MTMR14: variants seen among roughly 807,000 people sequenced by gnomAD.
MTMR14 encodes phosphatidylinositol-3,5-bisphosphate 3-phosphatase MTMR14.
A neutral mutation model predicts 86.3 loss-of-function variants in MTMR14; 48 were observed. That is an observed-to-expected ratio of 0.56 (90% CI 0.44 to 0.71). MTMR14 has a LOEUF of 0.71. Ranked by LOEUF, MTMR14 falls within the 30% of genes least tolerant of loss-of-function variation. The pLI, the probability that MTMR14 is intolerant of heterozygous loss-of-function variation, is 0.00. For missense variants in MTMR14, 780 were observed against 834.6 expected (o/e 0.93, Z 0.81); for synonymous variants, 366 against 326.1 (o/e 1.12, Z -1.32).
intron 17 of MTMR14, among the ~76,000 whole-genome samples, chr3:9,695,123 G>C (rs2076246788): frequency 6.6e-6 from 1 of 152,170 alleles, no homozygotes; most frequent in Non-Finnish European, 1.5e-5. Context: ...TGTTGAAGCT[G>C]GTTAAGTTAC....
At chr3:9,662,820 C>T (rs1277920587) in intron 3 of MTMR14, among the ~76,000 whole-genome samples, 2 of 152,182 alleles carry the variant, frequency 1.3e-5, no homozygotes, top group African/African-American at 4.8e-5. Context: ...CCTTAAAATA[C>T]ATCACCATGT....
chr3:9,656,210 A>G (rs530346614), intron 2 of MTMR14, among the ~76,000 whole-genome samples: 1 of 152,186 alleles, frequency 6.6e-6, no homozygotes, highest in South Asian at 2.1e-4. Flanking sequence ...ATAAAAAAAA[A>G]AGAGTGCCCA....
intron 13 of MTMR14, among the ~76,000 whole-genome samples, chr3:9,686,103 C>T (rs1307590805): frequency 6.6e-6 from 1 of 152,162 alleles, no homozygotes; most frequent in Non-Finnish European, 1.5e-5. Context: ...CATCTTATCT[C>T]GCACCTCCTC....
Position 9,672,757 on chromosome 3 carries a change from A to G in MTMR14, c.750A>G (p.Pro250=). 6.2e-7 allele frequency: 1 copy of G among 1,614,084 alleles called. No individual in the cohort carries two copies. Among genetic ancestry groups the G allele is most frequent in the Non-Finnish European group, 8.5e-7 (1 of 1,179,974 alleles). The change falls in exon 7 of 19, where the codon CCA becomes CCG. Residue 250 remains proline (P), a splice_region_variant and synonymous_variant. Coordinates refer to ENST00000296003, the MANE Select transcript of MTMR14 (RefSeq NM_001077525.3). ...ADFTLLSIPY[P]GCEFFKEYKD... is the part of the protein sequence containing the mutation. The stretch of plus-strand genomic sequence containing the variant: ...TCACTCTCCTCTCCATCCCGTATCC[A>G]GGTAGGGGGCTCTCTTCTAGTGGCA...
chr3:9,682,058 A>C (rs1425327300), intron 9 of MTMR14, among the ~76,000 whole-genome samples: 1 of 152,196 alleles, frequency 6.6e-6, no homozygotes, highest in Non-Finnish European at 1.5e-5. Flanking sequence ...GGCTTGGTAC[A>C]GTGCAGCTCT....
In MTMR14 at chr3:9,687,795, G is replaced by A. The variant is rs935684625; in HGVS notation, c.1165-26G>A. ...TTCTGCTGCCTTGGTTCTTCTCATT[G>A]TGCGCTGCTCTTTGGTCTCCTTTAG... On this transcript the variant is annotated intron_variant, in intron 13 of 18. Transcript: ENST00000296003. 12 of 1,556,380 alleles carry A rather than the reference G, an allele frequency of 7.7e-6. No homozygotes were observed. In the East Asian group the frequency reaches 2.1e-4, roughly 28 times the overall value.
intron 2 of MTMR14, among the ~76,000 whole-genome samples, chr3:9,659,256 TG>T: frequency 6.6e-6 from 1 of 152,232 alleles, no homozygotes; most frequent in East Asian, 1.9e-4. Context: ...TCTCACTACC[TG>T]GTAACATCTT....
chr3:9,671,035 C>A lies in MTMR14; in HGVS notation c.555-13C>A. 1 of 1,614,102 alleles carries A rather than the reference C, an allele frequency of 6.2e-7. No individual in the cohort carries two copies. Among genetic ancestry groups the A allele is most frequent in the Non-Finnish European group, 8.5e-7 (1 of 1,179,976 alleles). ...CATGCCATGTAACTTCTCCCTCTGG[C>A]TCTTTATTTCAGAAGTGGTGACACG... On this transcript the variant is annotated splice_polypyrimidine_tract_variant and intron_variant, in intron 5 of 18. Coordinates refer to ENST00000296003, the MANE Select transcript of MTMR14 (RefSeq NM_001077525.3).
rs140363951 is a variant in MTMR14 at position 9,679,365 on chromosome 3, C to T, written c.897+1307C>T. Among the ~76,000 whole-genome samples the T allele has an allele frequency of 4.2e-3, 639 of 152,314 alleles. 4 individuals carry two copies. The highest frequency in any genetic ancestry group is 6.8e-3 in the Middle Eastern group (2 of 294). On this transcript the variant is annotated intron_variant, in intron 9 of 18. Coordinates refer to ENST00000296003, the MANE Select transcript of MTMR14 (RefSeq NM_001077525.3). ...AGACAGACTGAGTAGATAAAAGAAC[C>T]GGCAGGCTTCCTTCTTTATGTGCTG...
intron 18 of MTMR14, chr3:9,700,142 C>G (rs2076408037): frequency 6.6e-6 from 1 of 152,222 alleles, no homozygotes; most frequent in South Asian, 2.1e-4. Flanking sequence ...TGTCATTTAT[C>G]CTCAGACATC....
chr3:9,689,511 C>T (rs2076071373), intron 16 of MTMR14, among the ~76,000 whole-genome samples: 1 of 152,204 alleles, frequency 6.6e-6, no homozygotes, highest in African/African-American at 2.4e-5. Context: ...TGATGACTTT[C>T]ACCCTGGACA....
At chr3:9,694,812 C>G (rs1466075279) in intron 17 of MTMR14, among the ~76,000 whole-genome samples, 1 of 152,182 alleles carries the variant, frequency 6.6e-6, no homozygotes, top group African/African-American at 2.4e-5. Context: ...CTGAGTTGGC[C>G]ATCAGCAGGG....
chr3:9,669,519 G>C lies in MTMR14; in HGVS notation c.554+27G>C, dbSNP rs1319176761. 3.1e-6 allele frequency: 5 copies of C among 1,605,850 alleles called. No homozygotes were observed. The East Asian group carries it at 9.0e-5, about 29-fold the overall frequency. ...TCAGTGCTGGGTTGCTGTGGTCAGG[G>C]GCTTGTGTTGGGGATGGGGTGTCTG... On this transcript the variant is annotated intron_variant, in intron 5 of 18. Coordinates refer to ENST00000296003, the MANE Select transcript of MTMR14 (RefSeq NM_001077525.3).
intron 9 of MTMR14, among the ~76,000 whole-genome samples, chr3:9,678,841 C>G (rs1295108833): frequency 6.6e-6 from 1 of 152,234 alleles, no homozygotes; most frequent in African/African-American, 2.4e-5. Context: ...ATTTAGAGAT[C>G]TGCTTCCCTG....
intron 9 of MTMR14, among the ~76,000 whole-genome samples, chr3:9,681,606 G>T (rs1390644149): frequency 6.6e-6 from 1 of 152,210 alleles, no homozygotes; most frequent in East Asian, 1.9e-4. Flanking sequence ...GCAGAGGCAT[G>T]GCATTTAGCT....
chr3:9,676,191 G>A (rs964658253), intron 7 of MTMR14, among the ~76,000 whole-genome samples: 1 of 152,208 alleles, frequency 6.6e-6, no homozygotes, highest in African/African-American at 2.4e-5. Flanking sequence ...AGACTTGGAG[G>A]TGTGGCCAAA....
At chr3:9,657,869 G>A (rs1248872722) in intron 2 of MTMR14, among the ~76,000 whole-genome samples, 1 of 152,130 alleles carries the variant, frequency 6.6e-6, no homozygotes, top group African/African-American at 2.4e-5. Context: ...TTTTATAGAT[G>A]AAGTTGAAGC....
intron 3 of MTMR14, among the ~76,000 whole-genome samples, chr3:9,668,479 C>T (rs890058205): frequency 1.2e-4 from 19 of 152,332 alleles, no homozygotes; most frequent in African/African-American, 4.6e-4. Flanking sequence ...CAATCTGATC[C>T]GATCCTGTTG....
chr3:9,676,457 T>C (rs1045038687), intron 7 of MTMR14, among the ~76,000 whole-genome samples: 1 of 152,278 alleles, frequency 6.6e-6, no homozygotes, highest in Non-Finnish European at 1.5e-5. Context: ...GGGCTGGCAC[T>C]GTGGGCTCTT....
Sources: allele counts gnomAD v4.1 joint callset (sites outside exome capture counted in the v4.1 genomes callset), GRCh38; gene constraint gnomAD v4.1.1; transcripts MANE v1.5; gene names NCBI Gene and HGNC (gene_info 2026-07-23, HGNC 2026-07-21).